Variants in DTNB observed in about 807,000 individuals in gnomAD.
DTNB encodes DTN-B.
In DTNB, 63 loss-of-function variants were observed where a neutral mutation model predicts 90.7. That is an observed-to-expected ratio of 0.69 (90% CI 0.57 to 0.86). The LOEUF (loss-of-function observed/expected upper bound fraction) is 0.86, where lower values mean the gene tolerates loss of function less well. Among genes scored for constraint, DTNB ranks in the 40% least tolerant of loss-of-function variants. DTNB has a pLI of 0.00. For missense variants in DTNB, 744 were observed against 807.1 expected (o/e 0.92, Z 0.95); for synonymous variants, 277 against 286.7 (o/e 0.97, Z 0.34).
chr2:25,409,041 G>A (rs928603810), intron 16 of DTNB, among the ~76,000 whole-genome samples: 8 of 152,148 alleles, frequency 5.3e-5, no homozygotes, highest in African/African-American at 1.9e-4. Context: ...CACAGGAGAA[G>A]GGCATCAGGG....
intron 7 of DTNB, among the ~76,000 whole-genome samples, chr2:25,577,373 G>A (rs145365979): frequency 8.6e-4 from 131 of 152,258 alleles, no homozygotes; most frequent in Middle Eastern, 3.4e-3. Flanking sequence ...GGAAGCAGAG[G>A]CTGCAGTGAG....
chr2:25,378,214 C>T (rs374103832), intron 20 of DTNB, among the ~76,000 whole-genome samples: 1 of 152,206 alleles, frequency 6.6e-6, no homozygotes, highest in African/African-American at 2.4e-5. Flanking sequence ...TCGGCTGCCA[C>T]GGCCTAGGCT....
intron 9 of DTNB, among the ~76,000 whole-genome samples, chr2:25,507,131 A>G (rs1418996737): frequency 2.0e-5 from 3 of 152,204 alleles, no homozygotes; most frequent in Admixed American, 6.5e-5. Context: ...TAAGTTGACA[A>G]TTCCCAAATT....
intron 4 of DTNB, among the ~76,000 whole-genome samples, chr2:25,611,608 T>C (rs1253075229): frequency 6.6e-6 from 1 of 151,984 alleles, no homozygotes; most frequent in African/African-American, 2.4e-5. Context: ...TTGAAAATAA[T>C]CTAGAGGGAA....
intron 10 of DTNB, among the ~76,000 whole-genome samples, chr2:25,482,377 A>G (rs2065147435): frequency 6.6e-6 from 1 of 152,216 alleles, no homozygotes; most frequent in Non-Finnish European, 1.5e-5. Context: ...AGAAAATTTT[A>G]TAAGGGATTA....
chr2:25,493,998 T>A (rs2068171157), intron 9 of DTNB, among the ~76,000 whole-genome samples: 1 of 152,046 alleles, frequency 6.6e-6, no homozygotes, highest in African/African-American at 2.4e-5. Context: ...CAAAATAATA[T>A]GAAAAAATCC....
At chr2:25,429,312 T>C (rs2053037966) in intron 14 of DTNB, among the ~76,000 whole-genome samples, 1 of 152,216 alleles carries the variant, frequency 6.6e-6, no homozygotes, top group African/African-American at 2.4e-5. Context: ...AATGTTTTGA[T>C]TATGTGCGTG....
At chr2:25,481,305 T>C (rs140834283) in intron 10 of DTNB, among the ~76,000 whole-genome samples, 2,040 of 151,426 alleles carry the variant, frequency 0.013, 41 homozygotes, top group African/African-American at 0.046. Context: ...GTCGGGAGGC[T>C]GAGGCAGGAG....
intron 9 of DTNB, among the ~76,000 whole-genome samples, chr2:25,511,215 TC>T (rs1359810372): frequency 2.6e-5 from 4 of 152,222 alleles, no homozygotes; most frequent in African/African-American, 9.6e-5. Context: ...TAAAAGGTAT[TC>T]TTTTGTTCAG....
chr2:25,580,980 C>T (rs2061479598), intron 6 of DTNB, among the ~76,000 whole-genome samples, 154 bp from the exon 7 acceptor site: 1 of 152,200 alleles, frequency 6.6e-6, no homozygotes, highest in Non-Finnish European at 1.5e-5. Flanking sequence ...GACACTACTA[C>T]ATGCTGTACT....
At chr2:25,539,663 A>G (rs546542317) in intron 8 of DTNB, among the ~76,000 whole-genome samples, 1 of 149,452 alleles carries the variant, frequency 6.7e-6, no homozygotes, top group Non-Finnish European at 1.5e-5. Flanking sequence ...CTTACAAACA[A>G]CTCCTATTAT....
intron 10 of DTNB, among the ~76,000 whole-genome samples, chr2:25,467,570 C>T (rs1229592135): frequency 1.3e-5 from 2 of 152,082 alleles, no homozygotes; most frequent in East Asian, 3.9e-4. Context: ...TCCCAAAGTG[C>T]TGGGATTAGA....
chr2:25,552,834 CTTTTTGA>C (rs2056546855), intron 8 of DTNB, among the ~76,000 whole-genome samples: 1 of 127,682 alleles, frequency 7.8e-6, no homozygotes, highest in Non-Finnish European at 1.7e-5. Flanking sequence ...TATAATTTCT[CTTTTTGA>C]TTTTTTTTTT....
intron 16 of DTNB, among the ~76,000 whole-genome samples, chr2:25,391,145 C>A (rs1006070273): frequency 5.3e-5 from 8 of 152,078 alleles, no homozygotes; most frequent in Non-Finnish European, 7.4e-5. Flanking sequence ...ATCCACCTGC[C>A]TCGGCCTCCC....
rs367949404 is a variant in DTNB at position 25,450,804 on chromosome 2, T to C, written c.1257+744A>G. Among the ~76,000 whole-genome samples, 182 of 152,230 alleles carry C rather than the reference T, an allele frequency of 1.2e-3. 3 individuals carry two copies. The South Asian group carries it at 0.037, about 31-fold the overall frequency. On this transcript the variant is annotated intron_variant, in intron 12 of 20. Transcript: ENST00000406818. ...TTGGTATTTTTAATGCTACAGTAAA[T>C]AGTATTTTTCTTTTTGTGAGACAGG...
At chr2:25,473,914 C>G (rs1301087599) in intron 10 of DTNB, among the ~76,000 whole-genome samples, 1 of 152,246 alleles carries the variant, frequency 6.6e-6, no homozygotes, top group East Asian at 1.9e-4. Flanking sequence ...CAAACTTGCT[C>G]CTTCCAGTCG....
At chr2:25,407,702 A>G (rs760210385) in intron 16 of DTNB, among the ~76,000 whole-genome samples, 1 of 152,214 alleles carries the variant, frequency 6.6e-6, no homozygotes, top group Non-Finnish European at 1.5e-5. Context: ...GTTCTCACTT[A>G]TAAGTGGGAG....
At chr2:25,428,456 G>T (rs1337815259) in intron 14 of DTNB, among the ~76,000 whole-genome samples, 1 of 144,120 alleles carries the variant, frequency 6.9e-6, no homozygotes. Context: ...TTTTTGTGAC[G>T]GAGTCTCACT....
At chr2:25,485,001 A>C (rs2065840085) in intron 9 of DTNB, among the ~76,000 whole-genome samples, 2 of 152,232 alleles carry the variant, frequency 1.3e-5, no homozygotes, top group African/African-American at 4.8e-5. Flanking sequence ...AACTGAAACA[A>C]GGAGACAATC....
Sources: allele counts gnomAD v4.1 joint callset (sites outside exome capture counted in the v4.1 genomes callset), GRCh38; gene constraint gnomAD v4.1.1; transcripts MANE v1.5; gene names NCBI Gene and HGNC (gene_info 2026-07-23, HGNC 2026-07-21).